MTA3: variants seen among roughly 807,000 people sequenced by gnomAD.
MTA3 encodes the protein metastasis associated 1 family member 3, also known as metastasis-associated protein MTA3.
In MTA3, 34 loss-of-function variants were observed where a neutral mutation model predicts 83.5. The ratio of observed to expected loss-of-function variants is 0.41; its 90% CI spans 0.31 to 0.54. MTA3 has a LOEUF of 0.54. Ranked by LOEUF, MTA3 falls within the 20% of genes least tolerant of loss-of-function variation. The pLI is 0.33. For missense variants in MTA3, 761 were observed against 726.4 expected, an observed-to-expected ratio of 1.05 and a Z score of -0.55; for synonymous variants, 303 against 252.7, an observed-to-expected ratio of 1.20 and a Z score of -1.89.
In MTA3 at chr2:42,753,462, G is replaced by C; in HGVS notation, c.*63G>C. 6.5e-7 allele frequency: 1 copy of C among 1,549,494 alleles called. No homozygotes were observed. The highest frequency in any genetic ancestry group is 2.4e-5 in the East Asian group (1 of 40,890). ...CACTGTCCTGCTGATGTTCACAGCC[G>C]TGCCTGGGAAGAAGGCAGCCCCACT... On this transcript the variant is annotated 3_prime_UTR_variant, in exon 17 of 17. Coordinates refer to ENST00000405094, the MANE Select transcript of MTA3 (RefSeq NM_001330442.2).
At chr2:42,751,147 C>T (rs546172275) in intron 16 of MTA3, among the ~76,000 whole-genome samples, 6 of 152,302 alleles carry the variant, frequency 3.9e-5, no homozygotes, top group Admixed American at 3.9e-4. Context: ...AGCTAGCTGG[C>T]TGGATTGCTT....
chr2:42,751,825 C>T (rs759035416), intron 16 of MTA3, among the ~76,000 whole-genome samples: 3 of 152,190 alleles, frequency 2.0e-5, no homozygotes, highest in Non-Finnish European at 4.4e-5. Context: ...TCCTGCTCCA[C>T]TAAATACAAA....
At chr2:42,689,352 T>G (rs1315280132) in intron 9 of MTA3, among the ~76,000 whole-genome samples, 1 of 152,228 alleles carries the variant, frequency 6.6e-6, no homozygotes, top group African/African-American at 2.4e-5. Flanking sequence ...ATGTTAATGA[T>G]TAATACAGAT....
chr2:42,565,322 G>A (rs568269019), upstream of MTA3, among the ~76,000 whole-genome samples: 11 of 151,578 alleles, frequency 7.3e-5, no homozygotes, highest in South Asian at 1.7e-3. Context: ...GAGTAGCCAG[G>A]ACCATAGGTG....
At chr2:42,545,593 C>A (rs1036198677) in intron 2 of MTA3, among the ~76,000 whole-genome samples, 3 of 151,938 alleles carry the variant, frequency 2.0e-5, no homozygotes, top group Non-Finnish European at 4.4e-5. Context: ...AATCTGGTTT[C>A]TTATGTGTAA....
upstream of MTA3, among the ~76,000 whole-genome samples, chr2:42,566,494 A>T (rs897766908): frequency 2.0e-5 from 3 of 152,162 alleles, no homozygotes. Context: ...ATCTAGAGCA[A>T]AAAACGGTTC....
intron 2 of MTA3, among the ~76,000 whole-genome samples, chr2:42,535,001 C>G (rs150995479): frequency 6.6e-6 from 1 of 152,192 alleles, no homozygotes; most frequent in East Asian, 1.9e-4. Flanking sequence ...TTGAAGGAAT[C>G]TAGATCCTGG....
intron 16 of MTA3, among the ~76,000 whole-genome samples, chr2:42,732,189 C>G (rs1668278301): frequency 6.6e-6 from 1 of 152,188 alleles, no homozygotes; most frequent in African/African-American, 2.4e-5. Context: ...TCCACACTTC[C>G]CTAGCAGAGG....
chr2:42,687,665 A>G (rs1368276723), intron 9 of MTA3, among the ~76,000 whole-genome samples: 1 of 152,222 alleles, frequency 6.6e-6, no homozygotes, highest in Non-Finnish European at 1.5e-5. Context: ...GTGTAGCCAG[A>G]CTGAACCACA....
intron 11 of MTA3, among the ~76,000 whole-genome samples, chr2:42,698,724 A>T (rs960150475): frequency 6.6e-6 from 1 of 152,266 alleles, no homozygotes; most frequent in East Asian, 1.9e-4. Flanking sequence ...ATTTTGTATA[A>T]TACATGTTTT....
chr2:42,556,114 AAG>A (rs1677379903), intron 2 of MTA3, among the ~76,000 whole-genome samples: 1 of 151,962 alleles, frequency 6.6e-6, no homozygotes, highest in African/African-American at 2.4e-5. Context: ...CAAACAAAAA[AAG>A]AGAGAAAAGG....
intron 2 of MTA3, among the ~76,000 whole-genome samples, chr2:42,538,233 G>A (rs1203376667): frequency 2.0e-5 from 3 of 151,722 alleles, no homozygotes; most frequent in East Asian, 3.9e-4. Flanking sequence ...ACTCTGTCTC[G>A]AAAAATAAAT....
intron 8 of MTA3, among the ~76,000 whole-genome samples, chr2:42,671,937 G>A (rs1478097417): frequency 1.3e-5 from 2 of 152,176 alleles, no homozygotes; most frequent in African/African-American, 4.8e-5. Context: ...TCACCTTATA[G>A]CAGTCTAGAA....
At chr2:42,610,848 CCT>C (rs1223412712) in intron 4 of MTA3, among the ~76,000 whole-genome samples, 4 of 152,036 alleles carry the variant, frequency 2.6e-5, no homozygotes. Flanking sequence ...GTGTTTCACT[CCT>C]CTTAGGTTAA....
At chr2:42,663,539 T>A (rs1469177883) in intron 8 of MTA3, among the ~76,000 whole-genome samples, 3 of 152,182 alleles carry the variant, frequency 2.0e-5, no homozygotes, top group Admixed American at 2.0e-4. Flanking sequence ...GGCAGGATGA[T>A]CACTTGAGGC....
At chr2:42,531,262 C>G (rs538764110) in intron 2 of MTA3, among the ~76,000 whole-genome samples, 3 of 152,078 alleles carry the variant, frequency 2.0e-5, no homozygotes, top group African/African-American at 7.2e-5. Context: ...ACTGTTTACC[C>G]GGGTCTGTGG....
chr2:42,503,071 C>T (rs112682114), intron 2 of MTA3, among the ~76,000 whole-genome samples: 16 of 152,090 alleles, frequency 1.1e-4, no homozygotes, highest in African/African-American at 3.4e-4. Context: ...GAGGCAAGTC[C>T]GTACAGTAAT....
At chr2:42,656,707 A>G (rs1463772350) in intron 7 of MTA3, among the ~76,000 whole-genome samples, 1 of 152,172 alleles carries the variant, frequency 6.6e-6, no homozygotes, top group Non-Finnish European at 1.5e-5. Flanking sequence ...GCCTGTTGCT[A>G]AGCATAGCAC....
At chr2:42,733,894 A>T (rs1189422234) in intron 16 of MTA3, among the ~76,000 whole-genome samples, 1 of 152,230 alleles carries the variant, frequency 6.6e-6, no homozygotes, top group East Asian at 1.9e-4. Context: ...ATCAGAAAAG[A>T]TACTTGATAT....
Sources: allele counts gnomAD v4.1 joint callset (sites outside exome capture counted in the v4.1 genomes callset), GRCh38; gene constraint gnomAD v4.1.1; transcripts MANE v1.5; gene names NCBI Gene and HGNC (gene_info 2026-07-23, HGNC 2026-07-21).